Variants in REL observed in about 807,000 individuals in gnomAD.
REL encodes REL proto-oncogene, NF-kB subunit.
REL carries 15 observed loss-of-function variants against 45.9 expected under a neutral mutation model. The observed-to-expected ratio is 0.33, with a 90% confidence interval of 0.22 to 0.50. The LOEUF (loss-of-function observed/expected upper bound fraction) is 0.50. REL is among the 20% of genes least tolerant of loss of function. The pLI is 0.98. For missense variants in REL, 601 were observed against 715.2 expected (o/e 0.84, Z 1.82); for synonymous variants, 239 against 242.1 (o/e 0.99, Z 0.12).
chr2:60,918,186 T>A lies in REL; in HGVS notation c.536-5T>A. 3 of 1,557,162 alleles carry A rather than the reference T, an allele frequency of 1.9e-6. No homozygotes were observed. The highest frequency in any genetic ancestry group is 2.6e-6 in the Non-Finnish European group (3 of 1,143,070). On this transcript the variant is annotated splice_polypyrimidine_tract_variant and splice_region_variant and intron_variant, in intron 5 of 9. Transcript: ENST00000394479. ...CTCATTTTTTTGAAAATCCTTTATA[T>A]TTAGGTGCTCCAAATACTGCAGAAT...
intron 9 of REL, 124 bp downstream of exon 9, chr2:60,920,766 A>G (rs2103986682): frequency 1.6e-6 from 1 of 618,186 alleles, no homozygotes; most frequent in East Asian, 2.9e-5. Context: ...CAGATTTTTC[A>G]TGCTTTCAGT....
chr2:60,925,557 A>G lies in REL; in HGVS notation c.*3022A>G, dbSNP rs1674248505. The G allele has an allele frequency of 5.5e-6, 1 of 180,490 alleles. No individual in the cohort carries two copies. Among genetic ancestry groups the G allele is most frequent in the Non-Finnish European group, 1.2e-5 (1 of 84,630 alleles). The allele number at this position is 180,490 out of a possible 1,614,324, so 11.2% of individuals were successfully genotyped here. A position where few individuals can be genotyped will look rare whatever the true frequency, so the allele number is the denominator to read the frequency against. ...GTAATTTTTTTACTTAAAAATATAA[A>G]TTAAAATAAATTTTTAAAATCATAA... On this transcript the variant is annotated 3_prime_UTR_variant, in exon 10 of 10. Transcript: ENST00000394479.
intron 4 of REL, among the ~76,000 whole-genome samples, chr2:60,906,751 A>T (rs1176940885): frequency 6.6e-6 from 1 of 150,636 alleles, no homozygotes; most frequent in Non-Finnish European, 1.5e-5. Context: ...TTTCTTACTC[A>T]CCCTCCAAGT....
At chr2:60,918,162 T>C in intron 5 of REL, 29 bp from the exon 6 acceptor site, 2 of 1,308,250 alleles carry the variant, frequency 1.5e-6, no homozygotes, top group African/African-American at 1.5e-5. Flanking sequence ...AGGTAGCAAC[T>C]CATTTTTTTG....
chr2:60,898,632 T>C (rs1673419439), intron 3 of REL, among the ~76,000 whole-genome samples: 1 of 152,242 alleles, frequency 6.6e-6, no homozygotes, highest in African/African-American at 2.4e-5. Flanking sequence ...TGTAAAGTAC[T>C]AGATAGTAAA....
chr2:60,910,455 A>C (rs1673780042), intron 4 of REL, among the ~76,000 whole-genome samples: 1 of 137,370 alleles, frequency 7.3e-6, no homozygotes, highest in Non-Finnish European at 1.5e-5. Flanking sequence ...ACAGAGTGAG[A>C]CTCCATCTCA....
chr2:60,917,680 CTGTGTGTGTG>C (rs34038794), intron 5 of REL, among the ~76,000 whole-genome samples: 83 of 142,318 alleles, frequency 5.8e-4, no homozygotes, highest in Middle Eastern at 3.6e-3. Context: ...CCCCAAAATA[CTGTGTGTGTG>C]TGTGTGTGTG....
chr2:60,912,268 CATT>C (rs1383924163), intron 4 of REL, among the ~76,000 whole-genome samples: 1 of 152,006 alleles, frequency 6.6e-6, no homozygotes, highest in African/African-American at 2.4e-5. Flanking sequence ...TTGGGTAAAT[CATT>C]ATCTTAACTT....
At position 60,926,047 on chromosome 2, in the gene REL, C is replaced by T. The variant is rs1051132155; in HGVS notation, c.*3512C>T. 1.2e-4 allele frequency: 27 copies of T among 229,574 alleles called. No individual in the cohort carries two copies. The highest frequency in any genetic ancestry group is 5.3e-4 in the African/African-American group (24 of 45,098). 14.2% of individuals were successfully genotyped at this position (229,574 alleles called of 1,614,324 possible). A position where few individuals can be genotyped will look rare whatever the true frequency, so the allele number is the denominator to read the frequency against. On this transcript the variant is annotated 3_prime_UTR_variant, in exon 10 of 10. Transcript: ENST00000394479. The stretch of plus-strand genomic sequence containing the variant: ...ATTTGGTAACGTTTCTCCTCTGTCT[C>T]TACATATATTCATGCTTTCACCTGC...
chr2:60,906,345 T>C (rs980936827), intron 4 of REL, among the ~76,000 whole-genome samples: 1 of 152,182 alleles, frequency 6.6e-6, no homozygotes. Flanking sequence ...CTTTCTCTCT[T>C]GCATTGTTAG....
intron 4 of REL, among the ~76,000 whole-genome samples, chr2:60,916,160 C>T (rs923218061): frequency 3.3e-5 from 5 of 152,358 alleles, no homozygotes; most frequent in African/African-American, 9.6e-5. Context: ...CGCCCATAAT[C>T]CCAACACTTT....
At chr2:60,884,571 A>G (rs895916646) in intron 1 of REL, among the ~76,000 whole-genome samples, 3 of 152,028 alleles carry the variant, frequency 2.0e-5, no homozygotes, top group South Asian at 2.1e-4. Flanking sequence ...TATTTATTCT[A>G]TTTAATATAA....
rs1441508267 is a variant in REL at position 60,892,694 on chromosome 2, C to T, written c.153+869C>T. Among the ~76,000 whole-genome samples, 3 of 151,922 alleles carry T rather than the reference C, an allele frequency of 2.0e-5. No individual in the cohort carries two copies. In the East Asian group the frequency reaches 5.9e-4, roughly 30 times the overall value. Reference sequence around the variant, plus strand: ...ATCCACCCATCTCGGCCTCCCAAAGCGCTGGGATTATAGGCGTGAGCCACT... The same window carrying T: ...ATCCACCCATCTCGGCCTCCCAAAGTGCTGGGATTATAGGCGTGAGCCACT... On this transcript the variant is annotated intron_variant, in intron 2 of 9. Transcript: ENST00000394479.
At position 60,885,610 on chromosome 2, in the gene REL, A is replaced by G. The variant is rs150633871; in HGVS notation, c.10+3760A>G. ...TGGAGTAATAAAGTCAGCCTGATAT[A>G]TTGGCATAGCCTTTGGCTGATGAGA... is the stretch of plus-strand genomic sequence containing the variant. On this transcript the variant is annotated intron_variant, in intron 1 of 9. Coordinates refer to ENST00000394479, the MANE Select transcript of REL (RefSeq NM_001291746.2). Among the ~76,000 whole-genome samples, 180 of 152,324 alleles carry G rather than the reference A, an allele frequency of 1.2e-3. 1 individual carries two copies. Among genetic ancestry groups the G allele is most frequent in the African/African-American group, 4.2e-3 (175 of 41,570 alleles).
intron 1 of REL, among the ~76,000 whole-genome samples, chr2:60,891,005 A>T (rs1263150997): frequency 6.6e-6 from 1 of 152,204 alleles, no homozygotes. Flanking sequence ...TTTGAATTTT[A>T]GTTATTATAG....
chr2:60,889,683 C>T (rs1673159006), intron 1 of REL, among the ~76,000 whole-genome samples: 1 of 151,736 alleles, frequency 6.6e-6, no homozygotes, highest in African/African-American at 2.4e-5. Flanking sequence ...TCTCATTGAT[C>T]AATTCCCACC....
Position 60,894,523 on chromosome 2 carries a change from G to A in REL, c.280G>A (p.Gly94Arg), listed in dbSNP as rs765668256. ...AGACGGCTACTATGAAGCAGAATTT[G>A]GACAAGAACGCAGACCTTTGTTGTA... ...CRDGYYEAEF[G>R]QERRPLFFQN... Residue 94 changes from glycine to arginine, a missense_variant, in exon 3 of 10, where the codon GGA (glycine) becomes AGA (arginine). Around this residue, in one of 4 missense-constraint regions of REL, gnomAD observed 241 missense variants for 347.0 expected, o/e 0.69. Coordinates refer to ENST00000394479, the MANE Select transcript of REL (RefSeq NM_001291746.2). 1.9e-6 allele frequency: 3 copies of A among 1,601,566 alleles called. No individual in the cohort carries two copies. The South Asian group carries it at 3.4e-5, about 18-fold the overall frequency.
intron 3 of REL, among the ~76,000 whole-genome samples, chr2:60,898,792 A>G (rs916601482): frequency 2.0e-5 from 3 of 152,244 alleles, no homozygotes; most frequent in Non-Finnish European, 4.4e-5. Flanking sequence ...GATTTGGTCC[A>G]TGAGTTACAG....
At chr2:60,908,412 G>C (rs180808392) in intron 4 of REL, among the ~76,000 whole-genome samples, 2 of 152,018 alleles carry the variant, frequency 1.3e-5, no homozygotes, top group African/African-American at 4.8e-5. Flanking sequence ...TCTAGCAAAC[G>C]GGGCATAAAG....
Sources: allele counts gnomAD v4.1 joint callset (sites outside exome capture counted in the v4.1 genomes callset), GRCh38; gene constraint gnomAD v4.1.1; regional missense constraint gnomAD v4.1.1; transcripts MANE v1.5; gene names NCBI Gene and HGNC (gene_info 2026-07-23, HGNC 2026-07-21).